ELP4: variants seen among roughly 807,000 people sequenced by gnomAD.
The protein encoded by ELP4 is elongator complex protein 4.
Under a neutral mutation model 48.9 loss-of-function variants are expected in ELP4, and 51 were observed. The ratio of observed to expected loss-of-function variants is 1.04; its 90% CI spans 0.83 to 1.32. The LOEUF is 1.32. Among genes scored for constraint, ELP4 ranks in the 40% most tolerant of loss-of-function variants. The pLI, the probability that ELP4 is intolerant of heterozygous loss-of-function variation, is 0.00. For missense variants in ELP4, 519 were observed against 514.6 expected (o/e 1.01, Z -0.08); for synonymous variants, 210 against 189.2 (o/e 1.11, Z -0.90).
chr11:31,536,377 C>T (rs1271414673), intron 2 of ELP4, among the ~76,000 whole-genome samples: 1 of 151,936 alleles, frequency 6.6e-6, no homozygotes, highest in East Asian at 1.9e-4. Flanking sequence ...TTTGAGACGG[C>T]GTCTTGCTCT....
chr11:31,659,889 G>A (rs1474892553), intron 9 of ELP4, among the ~76,000 whole-genome samples: 3 of 152,056 alleles, frequency 2.0e-5, no homozygotes, highest in Admixed American at 1.3e-4. Flanking sequence ...CTACTTGGGA[G>A]GCTGAGACAG....
chr11:31,701,960 A>G (rs1946532290), intron 9 of ELP4, among the ~76,000 whole-genome samples: 1 of 152,118 alleles, frequency 6.6e-6, no homozygotes, highest in African/African-American at 2.4e-5. Flanking sequence ...ACTGTTAGCC[A>G]CAGTACGAAG....
chr11:31,746,406 A>G (rs891145204), intron 9 of ELP4, among the ~76,000 whole-genome samples: 1 of 152,226 alleles, frequency 6.6e-6, no homozygotes, highest in Middle Eastern at 3.2e-3. Context: ...CCAAAGGATT[A>G]TAAATCATGC....
Position 31,759,984 on chromosome 11 carries a change from A to G in ELP4, c.1144-23409A>G, listed in dbSNP as rs146234924. Among the ~76,000 whole-genome samples, 745 of 152,250 alleles carry G rather than the reference A, an allele frequency of 4.9e-3. 7 individuals are homozygous for G. Among genetic ancestry groups the G allele is most frequent in the African/African-American group, 0.017 (715 of 41,564 alleles). ...TCCCAAAGTGCTGGGATTACAGGCT[A>G]TGAGCCACTATGGTCGGTCAGTGTT... On this transcript the variant is annotated intron_variant, in intron 9 of 9. Coordinates refer to ENST00000640961, the MANE Select transcript of ELP4 (RefSeq NM_019040.5).
At chr11:31,681,932 G>A (rs976578046) in intron 9 of ELP4, 4 of 420,266 alleles carry the variant, frequency 9.5e-6, no homozygotes, top group Admixed American at 3.6e-5. Flanking sequence ...GTAGAGATGG[G>A]GTTCCACCAT....
intron 3 of ELP4, among the ~76,000 whole-genome samples, chr11:31,584,881 A>G (rs1957448927): frequency 1.3e-5 from 2 of 152,304 alleles, no homozygotes; most frequent in South Asian, 4.1e-4. Flanking sequence ...ATGAGTAAGT[A>G]GGCAGTTTTT....
At chr11:31,593,173 T>C (rs1592144103) in intron 3 of ELP4, among the ~76,000 whole-genome samples, 1 of 152,140 alleles carries the variant, frequency 6.6e-6, no homozygotes, top group Non-Finnish European at 1.5e-5. Flanking sequence ...ATTCTCTGTA[T>C]TTTACATTTT....
rs376998753 is a variant in ELP4 at position 31,585,477 on chromosome 11, T to C, written c.382-9293T>C. Among the ~76,000 whole-genome samples the C allele has an allele frequency of 6.6e-5, 10 of 152,036 alleles. No individual in the cohort carries two copies. In the East Asian group the frequency reaches 1.4e-3, roughly 21 times the overall value. Reference sequence around the variant, plus strand: ...TTGCACTTAATTTTGCCTAACCTCTTATAACCTGAAGTTACAGAATAATGA... The same window carrying C: ...TTGCACTTAATTTTGCCTAACCTCTCATAACCTGAAGTTACAGAATAATGA... On this transcript the variant is annotated intron_variant, in intron 3 of 9. Transcript: ENST00000640961.
At chr11:31,515,881 C>T (rs1431115656) in intron 1 of ELP4, among the ~76,000 whole-genome samples, 2 of 152,160 alleles carry the variant, frequency 1.3e-5, no homozygotes, top group Non-Finnish European at 2.9e-5. Flanking sequence ...GAGGCCGAGG[C>T]GGGCGGATCA....
intron 9 of ELP4, among the ~76,000 whole-genome samples, chr11:31,756,640 G>C (rs963875724): frequency 4.6e-5 from 7 of 152,112 alleles, no homozygotes; most frequent in South Asian, 2.1e-4. Context: ...TTGTTGCCTT[G>C]TACATGGTGG....
intron 3 of ELP4, among the ~76,000 whole-genome samples, chr11:31,577,261 A>C (rs1957300508): frequency 1.3e-5 from 2 of 152,230 alleles, no homozygotes; most frequent in African/African-American, 4.8e-5. Flanking sequence ...TGTATAGACC[A>C]ATAACAGATT....
intron 9 of ELP4, among the ~76,000 whole-genome samples, chr11:31,771,116 A>G (rs1482831974): frequency 3.3e-5 from 5 of 152,158 alleles, no homozygotes; most frequent in East Asian, 1.9e-4. Flanking sequence ...TTTCTCCTTC[A>G]TGGACATTTC....
intron 4 of ELP4, chr11:31,600,111 T>C (rs1217678120): frequency 6.6e-6 from 1 of 152,154 alleles, no homozygotes; most frequent in African/African-American, 2.4e-5. Flanking sequence ...AATGCAAAAG[T>C]GGACAAGAAT....
chr11:31,512,868 A>G (rs1200837814), intron 1 of ELP4, among the ~76,000 whole-genome samples: 1 of 148,668 alleles, frequency 6.7e-6, no homozygotes, highest in Non-Finnish European at 1.5e-5. Context: ...CCATATATCT[A>G]ACCTGGAAGA....
At chr11:31,595,100 C>T (rs1230080739) in intron 4 of ELP4, among the ~76,000 whole-genome samples, 199 bp downstream of exon 4, 1 of 152,102 alleles carries the variant, frequency 6.6e-6, no homozygotes, top group Non-Finnish European at 1.5e-5. Flanking sequence ...TAGGTTGTTT[C>T]ATTTCTTCCA....
At chr11:31,721,068 G>A (rs1332961064) in intron 9 of ELP4, among the ~76,000 whole-genome samples, 2 of 152,194 alleles carry the variant, frequency 1.3e-5, no homozygotes, top group Admixed American at 6.5e-5. Flanking sequence ...AGCTTTGGAA[G>A]CTGTCTTATA....
chr11:31,704,701 A>G (rs1486910590), intron 9 of ELP4, among the ~76,000 whole-genome samples: 1 of 151,834 alleles, frequency 6.6e-6, no homozygotes, highest in African/African-American at 2.4e-5. Context: ...AGAAAACACT[A>G]CTCTTGTTTA....
intron 9 of ELP4, among the ~76,000 whole-genome samples, chr11:31,746,039 T>C (rs1292565842): frequency 2.0e-5 from 3 of 151,824 alleles, no homozygotes; most frequent in Non-Finnish European, 4.4e-5. Context: ...TCAAACAAAT[T>C]TACAAGAAAA....
At chr11:31,601,488 A>G (rs890040019) in intron 4 of ELP4, among the ~76,000 whole-genome samples, 3 of 152,112 alleles carry the variant, frequency 2.0e-5, no homozygotes, top group African/African-American at 7.2e-5. Flanking sequence ...ATTTTAATGA[A>G]TTATTTGTGT....
Sources: gnomAD v4.1 joint callset for allele counts (sites outside exome capture counted in the v4.1 genomes callset) on GRCh38, gnomAD v4.1.1 for gene constraint, MANE v1.5 for transcripts, NCBI Gene and HGNC (gene_info 2026-07-23, HGNC 2026-07-21) for gene names.